Variants in SOX5 observed in about 807,000 individuals in gnomAD.
The protein encoded by SOX5 is SRY-box transcription factor 5, also known as transcription factor SOX-5.
SOX5 carries 9 observed loss-of-function variants against 92.0 expected under a neutral mutation model. That is an observed-to-expected ratio of 0.10 (90% CI 0.06 to 0.17). The LOEUF (loss-of-function observed/expected upper bound fraction) is 0.17, where lower values mean the gene tolerates loss of function less well. Ranked by LOEUF, SOX5 falls within the 10% of genes least tolerant of loss-of-function variation. The pLI is 1.00. For synonymous variants in SOX5, 344 were observed against 336.3 expected, an observed-to-expected ratio of 1.02 and a Z score of -0.25; for missense variants, 642 against 944.5, an observed-to-expected ratio of 0.68 and a Z score of 4.20.
chr12:23,848,167 T>G (rs190418732), intron 2 of SOX5, among the ~76,000 whole-genome samples: 2 of 152,264 alleles, frequency 1.3e-5, no homozygotes, highest in African/African-American at 4.8e-5. Flanking sequence ...TGTACTCTGC[T>G]TTCACATTAT....
chr12:23,733,604 C>T (rs1460221931), intron 6 of SOX5, among the ~76,000 whole-genome samples: 3 of 152,092 alleles, frequency 2.0e-5, no homozygotes, highest in Non-Finnish European at 4.4e-5. Flanking sequence ...AGTGATAGGT[C>T]TGCTAAATCC....
intron 4 of SOX5, among the ~76,000 whole-genome samples, chr12:24,185,207 G>A (rs1955894374): frequency 1.3e-5 from 2 of 151,934 alleles, no homozygotes; most frequent in African/African-American, 4.8e-5. Context: ...TGCTTACAGA[G>A]GGATCTTTAC....
At chr12:23,758,850 C>G (rs753126792) in intron 3 of SOX5, among the ~76,000 whole-genome samples, 1 of 151,916 alleles carries the variant, frequency 6.6e-6, no homozygotes, top group African/African-American at 2.4e-5. Flanking sequence ...GTGTGCACTC[C>G]CTTATTCTTC....
chr12:23,841,366 A>C (rs1257489351), intron 3 of SOX5, among the ~76,000 whole-genome samples: 8 of 152,090 alleles, frequency 5.3e-5, no homozygotes, highest in Non-Finnish European at 8.8e-5. Flanking sequence ...GGAATGCAAA[A>C]TCTGATAGCC....
intron 1 of SOX5, among the ~76,000 whole-genome samples, chr12:24,488,070 T>C (rs1483013471): frequency 1.3e-5 from 2 of 152,148 alleles, no homozygotes; most frequent in African/African-American, 2.4e-5. Flanking sequence ...AGTTTTTCAT[T>C]TGTTAAACTG....
At chr12:24,550,084 T>C (rs990241798) in intron 1 of SOX5, among the ~76,000 whole-genome samples, 1 of 152,276 alleles carries the variant, frequency 6.6e-6, no homozygotes, top group African/African-American at 2.4e-5. Flanking sequence ...TGCCGTTTGC[T>C]AGCTATGCTA....
intron 4 of SOX5, among the ~76,000 whole-genome samples, chr12:24,103,183 A>T (rs1304012400): frequency 1.3e-5 from 2 of 152,232 alleles, no homozygotes; most frequent in Non-Finnish European, 2.9e-5. Context: ...CAAGAGGTTC[A>T]TATACAAGGA....
Position 24,330,016 on chromosome 12 carries a change from C to G in SOX5, c.-174+38547G>C, listed in dbSNP as rs111856243. Among the ~76,000 whole-genome samples, 1,273 of 152,222 alleles carry G rather than the reference C, an allele frequency of 8.4e-3. 15 individuals are homozygous for G. Among genetic ancestry groups the G allele is most frequent in the African/African-American group, 0.028 (1,177 of 41,536 alleles). ...CCAGCATGGGCAACAGAGTGAGACT[C>G]TCTCTCAAAACAAACAAACAAAAAG... On this transcript the variant is annotated intron_variant, in intron 2 of 4. Transcript: ENST00000446891.
intron 14 of SOX5, among the ~76,000 whole-genome samples, chr12:23,535,397 C>T (rs914304202): frequency 8.5e-5 from 13 of 152,202 alleles, no homozygotes; most frequent in African/African-American, 3.1e-4. Flanking sequence ...AACTGTGCAA[C>T]TGCACTAAGG....
intron 4 of SOX5, among the ~76,000 whole-genome samples, chr12:23,958,043 T>G (rs1946477459): frequency 6.6e-6 from 1 of 152,016 alleles, no homozygotes; most frequent in African/African-American, 2.4e-5. Flanking sequence ...TTTTTAAATC[T>G]TGCATAGAGT....
chr12:23,564,324 T>C (rs1028373624), intron 10 of SOX5, among the ~76,000 whole-genome samples: 5 of 152,234 alleles, frequency 3.3e-5, no homozygotes, highest in African/African-American at 7.2e-5. Context: ...GGAAAAAGAT[T>C]GTTTTGCAAA....
intron 2 of SOX5, among the ~76,000 whole-genome samples, chr12:24,367,238 T>G (rs554976513): frequency 4.6e-4 from 70 of 152,276 alleles, no homozygotes; most frequent in African/African-American, 1.5e-3. Flanking sequence ...TATTTTAAAT[T>G]AAATGAATAG....
chr12:23,911,481 A>G (rs2097351225), intron 1 of SOX5, among the ~76,000 whole-genome samples: 1 of 152,062 alleles, frequency 6.6e-6, no homozygotes, highest in South Asian at 2.1e-4. Context: ...CAGAGCCTTA[A>G]ATCTGCTCAA....
intron 1 of SOX5, among the ~76,000 whole-genome samples, chr12:24,512,518 A>G (rs1449588034): frequency 6.6e-6 from 1 of 152,240 alleles, no homozygotes; most frequent in Non-Finnish European, 1.5e-5. Flanking sequence ...ATGTAGATAT[A>G]TGCTCCTTTT....
intron 1 of SOX5, among the ~76,000 whole-genome samples, chr12:24,463,813 G>A (rs1488627527): frequency 1.3e-5 from 2 of 152,112 alleles, no homozygotes; most frequent in African/African-American, 2.4e-5. Context: ...CTGGTCAGAC[G>A]TAATTTTTTA....
chr12:23,663,630 G>A (rs1659031132), intron 7 of SOX5, among the ~76,000 whole-genome samples: 1 of 151,288 alleles, frequency 6.6e-6, no homozygotes. Flanking sequence ...TTTAGAAAGT[G>A]TCTTTTTTTT....
chr12:23,937,027 C>A (rs1034525792), intron 1 of SOX5, among the ~76,000 whole-genome samples: 13 of 150,820 alleles, frequency 8.6e-5, no homozygotes, highest in Non-Finnish European at 1.5e-4. Flanking sequence ...TTTCCTAAAT[C>A]ACATACCTGT....
At chr12:24,436,056 C>T (rs1939371463) in intron 1 of SOX5, among the ~76,000 whole-genome samples, 1 of 152,170 alleles carries the variant, frequency 6.6e-6, no homozygotes, top group Non-Finnish European at 1.5e-5. Flanking sequence ...ACTGACCAGC[C>T]ATTCCCCCAT....
chr12:24,303,290 C>T (rs1421265662), intron 2 of SOX5, among the ~76,000 whole-genome samples: 1 of 152,048 alleles, frequency 6.6e-6, no homozygotes, highest in Non-Finnish European at 1.5e-5. Flanking sequence ...ATTTCTCCTA[C>T]CCAAAAGTTA....
Sources: allele counts gnomAD v4.1 joint callset (sites outside exome capture counted in the v4.1 genomes callset), GRCh38; gene constraint gnomAD v4.1.1; transcripts MANE v1.5; gene names NCBI Gene and HGNC (gene_info 2026-07-23, HGNC 2026-07-21).